Variants in PLEKHH2 observed in about 807,000 individuals in gnomAD.
The protein encoded by PLEKHH2 is pleckstrin homology domain-containing family H member 2.
Under a neutral mutation model 187.9 loss-of-function variants are expected in PLEKHH2, and 129 were observed. That is an observed-to-expected ratio of 0.69 (90% CI 0.59 to 0.79). The LOEUF is 0.79. Among genes scored for constraint, PLEKHH2 ranks in the 30% least tolerant of loss-of-function variants. The probability of loss-of-function intolerance (pLI) is 0.00; values close to 1 mark genes in which losing one functional copy is unlikely to be tolerated. For synonymous variants in PLEKHH2, 686 were observed against 605.6 expected (o/e 1.13, Z -1.95); for missense variants, 2,076 against 1,751.2 (o/e 1.19, Z -3.31).
intron 1 of PLEKHH2, among the ~76,000 whole-genome samples, chr2:43,642,330 G>T (rs2104319423): frequency 6.6e-6 from 1 of 152,188 alleles, no homozygotes; most frequent in Non-Finnish European, 1.5e-5. Flanking sequence ...CTGATTTCCT[G>T]AAACCTTGCT....
Position 43,644,713 on chromosome 2 carries a change from A to C in PLEKHH2, c.40A>C (p.Lys14Gln). Residue 14 changes from lysine to glutamine, a missense_variant, in exon 2 of 30, where the codon AAG (lysine) becomes CAG (glutamine). Physicochemically the swap from Lys to Gln is moderately conservative, Grantham distance 53. Coordinates refer to ENST00000282406, the MANE Select transcript of PLEKHH2 (RefSeq NM_172069.4). ...TGAGCCAGAGGGACCAGTAGATTGG[A>C]AGGAACGATGTGTAGCTCTGGAGTC... Reference protein sequence around the residue: ...LSEPEGPVDWKERCVALESQL... With the variant: ...LSEPEGPVDWQERCVALESQL... 1 of 1,608,234 alleles carries C rather than the reference A, an allele frequency of 6.2e-7. No individual in the cohort carries two copies. Among genetic ancestry groups the C allele is most frequent in the Non-Finnish European group, 8.5e-7 (1 of 1,176,088 alleles).
intron 3 of PLEKHH2, among the ~76,000 whole-genome samples, chr2:43,686,623 A>C (rs1198818033): frequency 1.3e-5 from 2 of 152,240 alleles, no homozygotes; most frequent in African/African-American, 2.4e-5. Flanking sequence ...TGGAAAGCAA[A>C]TTATTTAATG....
intron 25 of PLEKHH2, among the ~76,000 whole-genome samples, chr2:43,755,266 C>G (rs1039526339): frequency 6.6e-6 from 1 of 152,198 alleles, no homozygotes; most frequent in African/African-American, 2.4e-5. Context: ...CCCGGTCCCC[C>G]AAACAAGCTT....
At chr2:43,668,817 A>G (rs769534609) in intron 2 of PLEKHH2, among the ~76,000 whole-genome samples, 87 of 152,258 alleles carry the variant, frequency 5.7e-4, no homozygotes, top group Middle Eastern at 3.4e-3. Flanking sequence ...CAAAACAACA[A>G]CAATAATAAA....
In PLEKHH2 at chr2:43,738,408, A is replaced by G; in HGVS notation, c.3011A>G (p.Gln1004Arg). 6.2e-7 allele frequency: 1 copy of G among 1,614,094 alleles called. No individual in the cohort carries two copies. The highest frequency in any genetic ancestry group is 8.5e-7 in the Non-Finnish European group (1 of 1,179,956). The change falls in exon 20 of 30, where the codon CAG (glutamine) becomes CGG (arginine). Residue 1004 changes from glutamine (Q) to arginine (R), a missense_variant. By Grantham distance (43) the Gln-to-Arg change is conservative. Coordinates refer to ENST00000282406, the MANE Select transcript of PLEKHH2 (RefSeq NM_172069.4). ...PAIDYHISLAQSALQICLTHP... is the reference protein window; with the variant it reads ...PAIDYHISLARSALQICLTHP... ...ATTGATTACCACATATCTTTAGCCC[A>G]GAGTGCTTTGCAAATCTGCCTGACA...
intron 25 of PLEKHH2, among the ~76,000 whole-genome samples, chr2:43,754,235 A>G (rs1229444921): frequency 6.6e-6 from 1 of 151,682 alleles, no homozygotes; most frequent in East Asian, 1.9e-4. Flanking sequence ...TCAGAATAGA[A>G]GTATATTTAG....
At chr2:43,704,446 A>G (rs7584546) in intron 9 of PLEKHH2, among the ~76,000 whole-genome samples, 79,535 of 151,648 alleles carry the variant, frequency 0.52, 21,434 homozygotes, top group Middle Eastern at 0.61. Flanking sequence ...CAGATCACGA[A>G]GTCAGGAGAT....
At chr2:43,757,354 T>C in intron 26 of PLEKHH2, 90 bp downstream of exon 26, 1 of 1,040,794 alleles carries the variant, frequency 9.6e-7, no homozygotes, top group Non-Finnish European at 1.3e-6. Flanking sequence ...GTGAAAAACA[T>C]TTGGACAGCT....
At chr2:43,714,751 A>T (rs1206440848) in intron 15 of PLEKHH2, among the ~76,000 whole-genome samples, 3 of 152,232 alleles carry the variant, frequency 2.0e-5, no homozygotes, top group Non-Finnish European at 4.4e-5. Context: ...GTGCTGAAAG[A>T]TACTAAGATG....
chr2:43,666,511 T>A (rs1456957298), intron 2 of PLEKHH2, among the ~76,000 whole-genome samples: 1 of 152,214 alleles, frequency 6.6e-6, no homozygotes, highest in Non-Finnish European at 1.5e-5. Flanking sequence ...AACATATGTT[T>A]AACTTAAGAA....
rs558107521 is a variant in PLEKHH2, at chr2:43,757,459, G to A, written c.3941+195G>A. Among the ~76,000 whole-genome samples the A allele has an allele frequency of 5.0e-5, 7 of 140,222 alleles. No individual in the cohort carries two copies. The South Asian group carries it at 8.8e-4, about 18-fold the overall frequency. The allele number at this position is 140,222 out of a possible 152,430, so 92.0% of individuals were successfully genotyped here. A position where few individuals can be genotyped will look rare whatever the true frequency, so the allele number is the denominator to read the frequency against. On this transcript the variant is annotated intron_variant, in intron 26 of 29. Transcript: ENST00000282406. ...TTTTGAGACGGAGTCTCGCTCTGTC[G>A]CCCAGGCTGGAGTGCAGTGGCCCAA...
chr2:43,686,959 T>G (rs1376329068), intron 3 of PLEKHH2, among the ~76,000 whole-genome samples: 2 of 124,056 alleles, frequency 1.6e-5, no homozygotes, highest in Admixed American at 1.6e-4. Context: ...TCTGGCCATG[T>G]CCCCCCTTCT....
At chr2:43,675,757 C>G in intron 2 of PLEKHH2, 3 of 1,613,570 alleles carry the variant, frequency 1.9e-6, no homozygotes, top group Non-Finnish European at 2.5e-6. Flanking sequence ...CATCAACTCT[C>G]TGCTTAAGAC....
chr2:43,710,366 C>T (rs759354753), intron 13 of PLEKHH2, 36 bp downstream of exon 13: 2 of 1,599,416 alleles, frequency 1.3e-6, no homozygotes, highest in South Asian at 1.1e-5. Flanking sequence ...GAACGTAATT[C>T]CTCAAACTAT....
chr2:43,737,140 A>C (rs1450865033), intron 19 of PLEKHH2, among the ~76,000 whole-genome samples: 1 of 152,174 alleles, frequency 6.6e-6, no homozygotes, highest in Non-Finnish European at 1.5e-5. Flanking sequence ...CACCCTAAGA[A>C]ACTTAAAACA....
In PLEKHH2 at chr2:43,666,237, C is replaced by G. The variant is rs538348235; in HGVS notation, c.124-12626C>G. Among the ~76,000 whole-genome samples, 7 of 150,986 alleles carry G rather than the reference C, an allele frequency of 4.6e-5. No individual in the cohort carries two copies. In the South Asian group the frequency reaches 1.5e-3, roughly 32 times the overall value. On this transcript the variant is annotated intron_variant, in intron 2 of 29. Coordinates refer to ENST00000282406, the MANE Select transcript of PLEKHH2 (RefSeq NM_172069.4). ...ATTCGGGTGGGAGTGACCCGATTTT[C>G]CAGGTGCATCCGTCACCCCTTTCTT...
chr2:43,749,708 C>G (rs542098262), intron 24 of PLEKHH2, among the ~76,000 whole-genome samples: 29 of 152,170 alleles, frequency 1.9e-4, no homozygotes, highest in Non-Finnish European at 4.4e-5. Context: ...TAAACATGGC[C>G]GTGCTTTGCC....
At position 43,720,705 on chromosome 2, in the gene PLEKHH2, C is replaced by T; in HGVS notation, c.2497C>T (p.Leu833=). 1 of 1,608,956 alleles carries T rather than the reference C, an allele frequency of 6.2e-7. No individual in the cohort carries two copies. ...ATATTCCAAGAGAGTCTGGTGTACA[C>T]TAATAGGAAAGACATTATATTATTT... ...HGYSKRVWCT[L]IGKTLYYFRS... Residue 833 remains leucine (L), a synonymous_variant, in exon 16 of 30, where the codon CTA becomes TTA. Transcript: ENST00000282406.
chr2:43,743,623 T>C (rs1294300869), intron 22 of PLEKHH2, among the ~76,000 whole-genome samples: 1 of 152,238 alleles, frequency 6.6e-6, no homozygotes, highest in Non-Finnish European at 1.5e-5. Flanking sequence ...GTCTGTTGGC[T>C]GAAGCTGAGA....
Sources: gnomAD v4.1 joint callset for allele counts (sites outside exome capture counted in the v4.1 genomes callset) on GRCh38, gnomAD v4.1.1 for gene constraint, MANE v1.5 for transcripts, NCBI Gene and HGNC (gene_info 2026-07-23, HGNC 2026-07-21) for gene names.